Variants in PAFAH1B1 observed in about 807,000 individuals in gnomAD.
The protein encoded by PAFAH1B1 is platelet-activating factor acetylhydrolase IB subunit beta.
Under a neutral mutation model 57.5 loss-of-function variants are expected in PAFAH1B1, and 2 were observed. The observed-to-expected ratio is 0.03, with a 90% CI of 0.01 to 0.11. The LOEUF (loss-of-function observed/expected upper bound fraction) is 0.11. PAFAH1B1 is among the 10% of genes least tolerant of loss of function. The pLI is 1.00. For synonymous variants in PAFAH1B1, 152 were observed against 169.6 expected (o/e 0.90, Z 0.81); for missense variants, 257 against 512.0 (o/e 0.50, Z 4.81).
At chr17:2,637,020 C>T (rs745840258) in intron 1 of PAFAH1B1, among the ~76,000 whole-genome samples, 5 of 152,242 alleles carry the variant, frequency 3.3e-5, no homozygotes, top group Middle Eastern at 3.4e-3. Flanking sequence ...CCACCACACC[C>T]CGCCTCTCAT....
At chr17:2,610,869 TG>T (rs2068260343) in intron 1 of PAFAH1B1, among the ~76,000 whole-genome samples, 1 of 152,212 alleles carries the variant, frequency 6.6e-6, no homozygotes, top group Non-Finnish European at 1.5e-5. Flanking sequence ...TGAGTCAGTC[TG>T]AAAGAGTGGA....
chr17:2,623,829 G>A (rs564806454), intron 1 of PAFAH1B1, among the ~76,000 whole-genome samples: 1 of 150,566 alleles, frequency 6.6e-6, no homozygotes, highest in African/African-American at 2.4e-5. Flanking sequence ...AGTAGAGATG[G>A]GGTTTCACCA....
chr17:2,678,569 G>GA (rs757070332), intron 9 of PAFAH1B1, among the ~76,000 whole-genome samples: 18 of 149,614 alleles, frequency 1.2e-4, no homozygotes, highest in African/African-American at 2.2e-4. Flanking sequence ...CTGTCTCCAG[G>GA]AAAAAAAAAG....
At chr17:2,658,859 G>A (rs12450722) in intron 2 of PAFAH1B1, among the ~76,000 whole-genome samples, 16,603 of 152,114 alleles carry the variant, frequency 0.11, 1,272 homozygotes, top group African/African-American at 0.22. Flanking sequence ...GATTTCTTAG[G>A]GTACGTGAGG....
chr17:2,653,956 G>A (rs1416840041), intron 2 of PAFAH1B1, among the ~76,000 whole-genome samples: 3 of 151,860 alleles, frequency 2.0e-5, no homozygotes, highest in African/African-American at 7.3e-5. Flanking sequence ...TTACAGGCGC[G>A]TGCCACCATG....
rs1395194347 is a variant in PAFAH1B1 at position 2,674,224 on chromosome 17, T to C, written c.836T>C (p.Val279Ala). The C allele has an allele frequency of 6.2e-7, 1 of 1,613,946 alleles. No homozygotes were observed. Among genetic ancestry groups the C allele is most frequent in the African/African-American group, 1.3e-5 (1 of 74,922 alleles). ...GAGCTCCGAGAGCATGAGCATGTGGTAGAATGCATTTCCTGGGCTCCAGAA... is the reference window on the plus strand; with the variant it reads ...GAGCTCCGAGAGCATGAGCATGTGGCAGAATGCATTTCCTGGGCTCCAGAA... ...KAELREHEHV[V>A]ECISWAPESS... The change falls in exon 8 of 11, where the codon GTA becomes GCA. Residue 279 changes from valine to alanine, a missense_variant. Val to Ala is a moderately conservative substitution (Grantham distance 64). Coordinates refer to ENST00000397195, the MANE Select transcript of PAFAH1B1 (RefSeq NM_000430.4).
intron 2 of PAFAH1B1, among the ~76,000 whole-genome samples, chr17:2,653,313 TA>T (rs2068891751): frequency 6.6e-6 from 1 of 151,990 alleles, no homozygotes; most frequent in Non-Finnish European, 1.5e-5. Flanking sequence ...GAGATATACC[TA>T]ATGTAAATGA....
At chr17:2,618,563 T>G (rs1379111058) in intron 1 of PAFAH1B1, among the ~76,000 whole-genome samples, 1 of 152,154 alleles carries the variant, frequency 6.6e-6, no homozygotes, top group Non-Finnish European at 1.5e-5. Flanking sequence ...TGCAATGATT[T>G]TATAGGAAAA....
intron 2 of PAFAH1B1, among the ~76,000 whole-genome samples, chr17:2,662,437 T>C (rs2069030672): frequency 6.7e-6 from 1 of 149,626 alleles, no homozygotes; most frequent in South Asian, 2.1e-4. Context: ...GGAGTTTCAC[T>C]CTGTCATCCA....
chr17:2,627,315 C>G (rs1190136151), intron 1 of PAFAH1B1, among the ~76,000 whole-genome samples: 1 of 152,084 alleles, frequency 6.6e-6, no homozygotes, highest in Non-Finnish European at 1.5e-5. Context: ...ATGTGGCTAG[C>G]CAGTTATCTC....
chr17:2,666,702 A>G (rs2151660643), intron 4 of PAFAH1B1, among the ~76,000 whole-genome samples: 1 of 152,288 alleles, frequency 6.6e-6, no homozygotes, highest in South Asian at 2.1e-4. Flanking sequence ...GCCCTTCTCT[A>G]ATTAGTAGAG....
chr17:2,669,265 A>AT (rs563171022), intron 5 of PAFAH1B1, among the ~76,000 whole-genome samples: 32,698 of 142,568 alleles, frequency 0.23, 3,861 homozygotes, highest in Middle Eastern at 0.27. Context: ...AGCAATTAGA[A>AT]TTTTTTTTTT....
At chr17:2,649,344 G>A (rs150496152) in intron 2 of PAFAH1B1, among the ~76,000 whole-genome samples, 137 of 152,156 alleles carry the variant, frequency 9.0e-4, no homozygotes, top group African/African-American at 3.1e-3. Flanking sequence ...AGGCCGAGGC[G>A]GGTGAATCAC....
chr17:2,613,434 G>T, intron 1 of PAFAH1B1: 1 of 243,662 alleles, frequency 4.1e-6, no homozygotes, highest in Admixed American at 5.0e-5. Context: ...CCTGTGCTGA[G>T]TTCCCTCTCT....
chr17:2,616,259 G>A (rs1409145045), intron 1 of PAFAH1B1, among the ~76,000 whole-genome samples: 3 of 152,064 alleles, frequency 2.0e-5, no homozygotes, highest in African/African-American at 7.2e-5. Flanking sequence ...TATTAATAAC[G>A]GTTCTATATT....
chr17:2,681,410 G>T, intron 10 of PAFAH1B1: 1 of 241,846 alleles, frequency 4.1e-6, no homozygotes, highest in Non-Finnish European at 8.1e-6. Context: ...GAAAACTACT[G>T]GCATTTGGAC....
chr17:2,626,121 G>T (rs907608141), intron 1 of PAFAH1B1, among the ~76,000 whole-genome samples: 2 of 151,954 alleles, frequency 1.3e-5, no homozygotes, highest in East Asian at 3.9e-4. Flanking sequence ...AGGCATAGTG[G>T]TATGCACCTG....
chr17:2,640,059 T>C (rs573560198), intron 2 of PAFAH1B1: 1 of 152,332 alleles, frequency 6.6e-6, no homozygotes, highest in South Asian at 2.1e-4. Context: ...CTCTGTGTGT[T>C]GGGGGTCTGT....
At chr17:2,677,131 C>T (rs532037656) in intron 9 of PAFAH1B1, among the ~76,000 whole-genome samples, 2 of 152,042 alleles carry the variant, frequency 1.3e-5, no homozygotes, top group Admixed American at 6.6e-5. Context: ...CCAGCCTGGG[C>T]GACAGAGTGA....
Sources: gnomAD v4.1 joint callset for allele counts (sites outside exome capture counted in the v4.1 genomes callset) on GRCh38, gnomAD v4.1.1 for gene constraint, MANE v1.5 for transcripts, NCBI Gene and HGNC (gene_info 2026-07-23, HGNC 2026-07-21) for gene names.